The following FTO variants were observed in gnomAD, a reference collection of about 807,000 sequenced individuals.
FTO encodes the protein FTO alpha-ketoglutarate dependent dioxygenase.
In FTO, 47 loss-of-function variants were observed where a neutral mutation model predicts 63.9. That is an observed-to-expected ratio of 0.74 (90% confidence interval 0.58 to 0.94). FTO has a LOEUF of 0.94. Among genes scored for constraint, FTO ranks in the 40% least tolerant of loss-of-function variants. The pLI, the probability that FTO is intolerant of heterozygous loss-of-function variation, is 0.00. For missense variants in FTO, 562 were observed against 618.1 expected, an observed-to-expected ratio of 0.91 and a Z score of 0.96; for synonymous variants, 207 against 224.4, an observed-to-expected ratio of 0.92 and a Z score of 0.69.
chr16:53,940,159 A>T (rs546929669), intron 8 of FTO, among the ~76,000 whole-genome samples: 2 of 150,944 alleles, frequency 1.3e-5, no homozygotes, highest in African/African-American at 4.9e-5. Flanking sequence ...GTTACCTGTT[A>T]TTTTCATTTT....
chr16:53,974,655 AC>A (rs2143762305), intron 8 of FTO, among the ~76,000 whole-genome samples: 1 of 151,652 alleles, frequency 6.6e-6, no homozygotes, highest in Non-Finnish European at 1.5e-5. Flanking sequence ...TCTTTGTCAC[AC>A]GCACTCACTG....
At chr16:53,802,290 T>C (rs1459811803) in intron 1 of FTO, among the ~76,000 whole-genome samples, 1 of 152,190 alleles carries the variant, frequency 6.6e-6, no homozygotes, top group Non-Finnish European at 1.5e-5. Context: ...AAATGCTATA[T>C]AAATAGTTGT....
intron 7 of FTO, among the ~76,000 whole-genome samples, chr16:53,892,572 CT>C (rs2081176570): frequency 1.3e-5 from 2 of 152,060 alleles, no homozygotes; most frequent in African/African-American, 4.8e-5. Context: ...ACAAATGATT[CT>C]TTTTTATCTT....
At chr16:53,939,030 G>C (rs1478142310) in intron 8 of FTO, among the ~76,000 whole-genome samples, 3 of 152,054 alleles carry the variant, frequency 2.0e-5, no homozygotes, top group South Asian at 2.1e-4. Context: ...CCCGGGAGGC[G>C]GAGCTTGCAG....
chr16:54,077,991 G>A (rs1339944585), intron 8 of FTO, among the ~76,000 whole-genome samples: 6 of 152,022 alleles, frequency 3.9e-5, no homozygotes, highest in South Asian at 2.1e-4. Flanking sequence ...TTAGCTCCCC[G>A]GCCCCACCCC....
intron 4 of FTO, among the ~76,000 whole-genome samples, chr16:53,846,212 T>A (rs1276996096): frequency 1.3e-5 from 2 of 152,150 alleles, no homozygotes; most frequent in Non-Finnish European, 2.9e-5. Context: ...GTGGGAATGT[T>A]TTCAGTGTTA....
chr16:54,020,448 T>G (rs148323023), intron 8 of FTO, among the ~76,000 whole-genome samples: 13 of 152,302 alleles, frequency 8.5e-5, no homozygotes, highest in African/African-American at 3.1e-4. Flanking sequence ...ACTTTCTGTT[T>G]TACAGTTTCA....
intron 4 of FTO, among the ~76,000 whole-genome samples, chr16:53,867,932 T>C (rs763853195): frequency 4.6e-5 from 7 of 152,024 alleles, no homozygotes; most frequent in Non-Finnish European, 7.4e-5. Context: ...TTTATCATTA[T>C]GTACTACCCC....
intron 8 of FTO, among the ~76,000 whole-genome samples, chr16:54,009,998 A>G (rs1216139474): frequency 1.3e-5 from 2 of 148,372 alleles, no homozygotes; most frequent in Non-Finnish European, 2.9e-5. Context: ...TGACTGTTGT[A>G]GTGACCTTTG....
At chr16:53,816,766 C>T (rs1288412027) in intron 2 of FTO, among the ~76,000 whole-genome samples, 10 of 152,094 alleles carry the variant, frequency 6.6e-5, no homozygotes, top group African/African-American at 9.7e-5. Flanking sequence ...TTTATTTTTC[C>T]CCGTAGACTT....
chr16:53,774,215 C>T (rs1432569259), intron 1 of FTO, among the ~76,000 whole-genome samples: 2 of 152,150 alleles, frequency 1.3e-5, no homozygotes, highest in African/African-American at 4.8e-5. Context: ...TTTGCCGTCT[C>T]TGTGCTTTGA....
rs1055686741 is a variant in FTO, at chr16:53,704,244, C to G, written c.45+15C>G. On this transcript the variant is annotated intron_variant, in intron 1 of 8. Transcript: ENST00000471389. ...GCGAAGCTAAGGTATGTCGGGCTCC[C>G]GGGGCCTGGAGATCTTCGTGCGCTG... 7 of 1,551,276 alleles carry G rather than the reference C, an allele frequency of 4.5e-6. No homozygotes were observed. The highest frequency in any genetic ancestry group is 6.1e-6 in the Non-Finnish European group (7 of 1,146,680).
At chr16:53,712,691 T>C (rs915119377) in intron 1 of FTO, among the ~76,000 whole-genome samples, 2 of 152,220 alleles carry the variant, frequency 1.3e-5, no homozygotes, top group Non-Finnish European at 2.9e-5. Context: ...TCCTTGAAGA[T>C]AGCATTTGTG....
At chr16:54,005,547 A>G (rs1263897564) in intron 8 of FTO, among the ~76,000 whole-genome samples, 2 of 152,002 alleles carry the variant, frequency 1.3e-5, no homozygotes, top group Non-Finnish European at 2.9e-5. Flanking sequence ...AAACCTCACG[A>G]GAGTTCTTTG....
chr16:53,926,891 G>C (rs1408871315), intron 7 of FTO, among the ~76,000 whole-genome samples: 1 of 151,902 alleles, frequency 6.6e-6, no homozygotes, highest in Non-Finnish European at 1.5e-5. Context: ...TCCTCCAAAT[G>C]CCAATAACCG....
At chr16:53,956,998 T>TA (rs2082946939) in intron 8 of FTO, among the ~76,000 whole-genome samples, 1 of 152,182 alleles carries the variant, frequency 6.6e-6, no homozygotes, top group African/African-American at 2.4e-5. Flanking sequence ...CAACCCTATT[T>TA]AAAATGTATT....
chr16:53,755,701 G>A (rs1108103), intron 1 of FTO, among the ~76,000 whole-genome samples: 2 of 151,972 alleles, frequency 1.3e-5, no homozygotes, highest in South Asian at 2.1e-4. Context: ...CCCCTGCAAC[G>A]GGGTGTGGCC....
chr16:53,878,887 CT>C (rs2080743103), intron 5 of FTO, among the ~76,000 whole-genome samples: 2 of 152,228 alleles, frequency 1.3e-5, no homozygotes, highest in Admixed American at 6.5e-5. Context: ...GCCTTGAGGG[CT>C]TAAGCCAAAT....
intron 1 of FTO, among the ~76,000 whole-genome samples, chr16:53,728,803 C>T (rs140361598): frequency 9.2e-4 from 136 of 148,246 alleles, no homozygotes; most frequent in African/African-American, 3.2e-3. Context: ...CGCTCTGTCA[C>T]CCAGACTGAA....
Sources: gnomAD v4.1 joint callset for allele counts (sites outside exome capture counted in the v4.1 genomes callset) on GRCh38, gnomAD v4.1.1 for gene constraint, MANE v1.5 for transcripts, NCBI Gene and HGNC (gene_info 2026-07-23, HGNC 2026-07-21) for gene names.